Variants in SAP18 observed in about 807,000 individuals in gnomAD.
SAP18 encodes the protein Sin3A associated protein 18.
A neutral mutation model predicts 18.6 loss-of-function variants in SAP18; 4 were observed. The ratio of observed to expected loss-of-function variants is 0.21; its 90% CI spans 0.11 to 0.49. SAP18 has a LOEUF of 0.49. Among genes scored for constraint, SAP18 ranks in the 20% least tolerant of loss-of-function variants. The probability of loss-of-function intolerance (pLI) is 0.98; values close to 1 mark genes in which losing one functional copy is unlikely to be tolerated. For missense variants in SAP18, 170 were observed against 226.4 expected (o/e 0.75, Z 1.60); for synonymous variants, 112 against 82.8 (o/e 1.35, Z -1.92).
exon 2 of SAP18, chr13:21,140,975 C>A: frequency 6.4e-7 from 1 of 1,552,536 alleles, no homozygotes; most frequent in Non-Finnish European, 8.7e-7. Context: ...TACCGTCCAG[C>A]GAGTTGCAGA....
chr13:21,140,757 G>T, intron 1 of SAP18, 76 bp downstream of exon 1: 4 of 1,594,552 alleles, frequency 2.5e-6, no homozygotes, highest in Non-Finnish European at 3.4e-6. Flanking sequence ...CGCGGCCTGT[G>T]TGCTGGAGGA....
exon 3 of SAP18, chr13:21,146,888 T>C (rs776479725): frequency 6.2e-7 from 1 of 1,613,286 alleles, no homozygotes; most frequent in Non-Finnish European, 8.5e-7. Flanking sequence ...CACTTCAATT[T>C]TGCAATCGTT....
At chr13:21,143,852 G>GA (rs1869552095) in intron 2 of SAP18, among the ~76,000 whole-genome samples, 2 of 152,210 alleles carry the variant, frequency 1.3e-5, no homozygotes, top group Non-Finnish European at 1.5e-5. Context: ...CCAAAGAAAA[G>GA]ATTCTGAAAG....
chr13:21,146,584 T>A, intron 2 of SAP18: 1 of 347,146 alleles, frequency 2.9e-6, no homozygotes. Flanking sequence ...GCACTAAGAG[T>A]CTAATTAATT....
chr13:21,140,663 A>C (rs550761091), exon 1 of SAP18: 1 of 1,612,228 alleles, frequency 6.2e-7, no homozygotes, highest in African/African-American at 1.3e-5. Flanking sequence ...AGCCAGAGAA[A>C]CCGATCGACC....
chr13:21,147,509 A>C, exon 4 of SAP18: 1 of 646,146 alleles, frequency 1.5e-6, no homozygotes. Flanking sequence ...GATTACGAAT[A>C]GTCTGTATGT....
chr13:21,142,169 C>T (rs1214351985), intron 2 of SAP18, among the ~76,000 whole-genome samples: 2 of 148,774 alleles, frequency 1.3e-5, no homozygotes, highest in East Asian at 4.4e-4. Flanking sequence ...GAATTGTAAT[C>T]CCAGCTAATT....
exon 4 of SAP18, chr13:21,147,555 C>T (rs142661589): frequency 1.8e-4 from 99 of 538,040 alleles, no homozygotes; most frequent in African/African-American, 1.8e-3. Flanking sequence ...GAAAAGTGCT[C>T]TTAGCATTCT....
upstream of SAP18, chr13:21,140,421 G>A: frequency 9.8e-7 from 1 of 1,023,778 alleles, no homozygotes. Context: ...GCCTTTTCCC[G>A]AAGTCGCAAC....
upstream of SAP18, among the ~76,000 whole-genome samples, chr13:21,140,192 A>C (rs1869389811): frequency 6.6e-6 from 1 of 152,140 alleles, no homozygotes. Context: ...CTTCCGGCTT[A>C]CCTCAGGGGC....
chr13:21,141,796 A>G (rs1238229468), intron 2 of SAP18, among the ~76,000 whole-genome samples: 15 of 151,748 alleles, frequency 9.9e-5, no homozygotes, highest in African/African-American at 3.6e-4. Context: ...CCTCCCAAGT[A>G]GCTGGGATTA....
At chr13:21,148,329 CAATA>C (rs1299976736) in exon 4 of SAP18, 6 of 152,052 alleles carry the variant, frequency 3.9e-5, no homozygotes, top group Admixed American at 3.9e-4. Flanking sequence ...AAATGAGAAA[CAATA>C]AATACTGATT....
At position 21,140,698 on chromosome 13, in the gene SAP18, C is replaced by T. The variant is rs774572930; in HGVS notation, c.129+17C>T. On this transcript the variant is annotated intron_variant, in intron 1 of 3. Coordinates refer to ENST00000621421, the Ensembl canonical transcript of SAP18. Reference sequence around the variant, plus strand: ...CGCGAGAAGGTGAAGGCCCCCTCCGCTTTGGGGTCCGGGAAGAGGTTGGGG... The same window carrying T: ...CGCGAGAAGGTGAAGGCCCCCTCCGTTTTGGGGTCCGGGAAGAGGTTGGGG... 1 of 1,607,212 alleles carries T rather than the reference C, an allele frequency of 6.2e-7. No individual in the cohort carries two copies. Among genetic ancestry groups the T allele is most frequent in the Non-Finnish European group, 8.5e-7 (1 of 1,176,500 alleles).
chr13:21,147,190 A>G (rs1869679072), exon 4 of SAP18: 1 of 1,612,460 alleles, frequency 6.2e-7, no homozygotes, highest in Non-Finnish European at 8.5e-7. Flanking sequence ...TTACAGAGTT[A>G]AGGAGATTGG....
chr13:21,140,760 C>G (rs949723620), intron 1 of SAP18, 79 bp downstream of exon 1: 37 of 1,591,742 alleles, frequency 2.3e-5, no homozygotes, highest in Non-Finnish European at 3.0e-5. Context: ...GGCCTGTGTG[C>G]TGGAGGAGAT....
At chr13:21,147,212 C>T in exon 4 of SAP18, 1 of 1,613,488 alleles carries the variant, frequency 6.2e-7, no homozygotes, top group Middle Eastern at 1.7e-4. Flanking sequence ...AGCACCATGT[C>T]TGGCAGAAAG....
At chr13:21,142,918 C>A (rs904127784) in intron 2 of SAP18, among the ~76,000 whole-genome samples, 3 of 152,186 alleles carry the variant, frequency 2.0e-5, no homozygotes, top group Non-Finnish European at 2.9e-5. Context: ...CTGCCCCATC[C>A]CCTGGTAGCC....
upstream of SAP18, chr13:21,140,439 C>G (rs1869402191): frequency 2.4e-6 from 3 of 1,236,480 alleles, no homozygotes; most frequent in African/African-American, 1.5e-5. Flanking sequence ...AACACGCAGG[C>G]GCGCTCCGGC....
upstream of SAP18, chr13:21,140,420 C>T (rs1341710201): frequency 2.9e-6 from 3 of 1,018,444 alleles, no homozygotes; most frequent in South Asian, 1.7e-5. Context: ...CGCCTTTTCC[C>T]GAAGTCGCAA....
Sources: gnomAD v4.1 joint callset for allele counts (sites outside exome capture counted in the v4.1 genomes callset) on GRCh38, gnomAD v4.1.1 for gene constraint, MANE v1.5 for transcripts, NCBI Gene and HGNC (gene_info 2026-07-23, HGNC 2026-07-21) for gene names.